The following OR2A12 variants were observed in gnomAD, a reference collection of about 807,000 sequenced individuals.
The protein encoded by OR2A12 is olfactory receptor family 2 subfamily A member 12.
For missense variants in OR2A12, 380 were observed against 372.5 expected (o/e 1.02, Z -0.17); for synonymous variants, 153 against 149.3 (o/e 1.02, Z -0.18).
rs1366313470 is a variant in OR2A12, at chr7:144,095,862, G to A, written c.755G>A (p.Gly252Asp). The part of the protein sequence containing the change: ...SHLCVVGLFF[G>D]SAIVMYMAPK... ...CTCTGCGTGGTGGGGCTTTTCTTTG[G>A]CAGCGCCATTGTCATGTACATGGCC... The change falls in exon 2 of 2, where the codon GGC (glycine) becomes GAC (aspartate). Residue 252 changes from glycine to aspartate, a missense_variant. Gly to Asp is a moderately conservative substitution (Grantham distance 94). Coordinates refer to ENST00000641592, the MANE Select transcript of OR2A12 (RefSeq NM_001004135.2). 1.9e-6 allele frequency: 3 copies of A among 1,614,056 alleles called. No individual in the cohort carries two copies. In the South Asian group the frequency reaches 3.3e-5, roughly 18 times the overall value.
rs189482620 is a variant in OR2A12 at position 144,097,676 on chromosome 7, A to G, written c.*1636A>G. 55 of 152,316 alleles carry G rather than the reference A, an allele frequency of 3.6e-4. No individual in the cohort carries two copies. Among genetic ancestry groups the G allele is most frequent in the African/African-American group, 1.3e-3 (52 of 41,570 alleles). The allele number at this position is 152,316 out of a possible 1,614,324, so 9.4% of individuals were successfully genotyped here. A position where few individuals can be genotyped will look rare whatever the true frequency, so the allele number is the denominator to read the frequency against. ...ATAGACCAAAAAACAAACAGAATAG[A>G]AAGAAAATTAGTGTATATTTGCTTT... On this transcript the variant is annotated 3_prime_UTR_variant, in exon 2 of 2. Transcript: ENST00000641592.
At chr7:144,087,984 T>C (rs1242745309) in intron 1 of OR2A12, among the ~76,000 whole-genome samples, 1 of 152,204 alleles carries the variant, frequency 6.6e-6, no homozygotes, top group Non-Finnish European at 1.5e-5. Context: ...AACTTTGTCT[T>C]AGATCAAGAG....
intron 1 of OR2A12, among the ~76,000 whole-genome samples, chr7:144,092,284 A>G (rs938769091): frequency 2.6e-5 from 4 of 151,986 alleles, no homozygotes; most frequent in Non-Finnish European, 5.9e-5. Context: ...GTCAAATAGC[A>G]TGATGCCTCC....
Position 144,095,654 on chromosome 7 carries a change from G to A in OR2A12, c.547G>A (p.Val183Ile), listed in dbSNP as rs142231743. The stretch of plus-strand genomic sequence containing the variant: ...CCACTTTTTCTGTCAAATCATGTCC[G>A]TATTCAAATTGGCCTGTGCTGACAC... The part of the protein sequence containing the change: ...INHFFCQIMS[V>I]FKLACADTRL... Residue 183 changes from valine to isoleucine, a missense_variant, in exon 2 of 2, where the codon GTA becomes ATA. Transcript: ENST00000641592. The A allele has an allele frequency of 5.4e-4, 867 of 1,614,038 alleles. 5 individuals are homozygous for A. The East Asian group carries it at 0.013, about 24-fold the overall frequency.
chr7:144,095,308 T>C lies in OR2A12; in HGVS notation c.201T>C (p.Ile67=). The change falls in exon 2 of 2, where the codon ATT becomes ATC. Residue 67 remains isoleucine (I), a synonymous_variant. Transcript: ENST00000641592. ...PMYVFLSHLA[I]VDMSYASSTV... Reference sequence around the variant, plus strand: ...ATGTCTTCCTGTCACACCTGGCCATTGTGGACATGTCCTATGCCTCGAGTA... The same window carrying C: ...ATGTCTTCCTGTCACACCTGGCCATCGTGGACATGTCCTATGCCTCGAGTA... The C allele has an allele frequency of 1.2e-6, 2 of 1,613,960 alleles. No homozygotes were observed. Among genetic ancestry groups the C allele is most frequent in the South Asian group, 1.1e-5 (1 of 91,052 alleles).
In OR2A12 at chr7:144,095,337, T is replaced by C; in HGVS notation, c.230T>C (p.Val77Ala). ...GACATGTCCTATGCCTCGAGTACTG[T>C]CCCTAAGATGCTAGCAAATCTTGTG... is the stretch of plus-strand genomic sequence containing the variant. ...IVDMSYASST[V>A]PKMLANLVMH... is the part of the protein sequence containing the mutation. The change falls in exon 2 of 2, where the codon GTC (valine) becomes GCC (alanine). Residue 77 changes from valine (V) to alanine (A), a missense_variant. By Grantham distance (64) the Val-to-Ala change is moderately conservative. Transcript: ENST00000641592. 6.2e-7 allele frequency: 1 copy of C among 1,613,676 alleles called. No homozygotes were observed.
intron 1 of OR2A12, among the ~76,000 whole-genome samples, chr7:144,090,866 T>C (rs76656009): frequency 0.021 from 3,186 of 152,340 alleles, 100 homozygotes; most frequent in African/African-American, 0.073. Flanking sequence ...CATGATCTCA[T>C]TCTTTTTCAT....
chr7:144,095,864 A>G lies in OR2A12; in HGVS notation c.757A>G (p.Ser253Gly). 1 of 1,614,114 alleles carries G rather than the reference A, an allele frequency of 6.2e-7. No individual in the cohort carries two copies. The highest frequency in any genetic ancestry group is 1.7e-5 in the Admixed American group (1 of 60,020). The change falls in exon 2 of 2, where the codon AGC (serine) becomes GGC (glycine). Residue 253 changes from serine to glycine, a missense_variant. Ser to Gly is a moderately conservative substitution (Grantham distance 56). Transcript: ENST00000641592. ...CTGCGTGGTGGGGCTTTTCTTTGGC[A>G]GCGCCATTGTCATGTACATGGCCCC... Reference protein sequence around the residue: ...HLCVVGLFFGSAIVMYMAPKS... With the variant: ...HLCVVGLFFGGAIVMYMAPKS...
Position 144,095,331 on chromosome 7 carries a change from G to A in OR2A12, c.224G>A (p.Ser75Asn), listed in dbSNP as rs747782788. 6.8e-6 allele frequency: 11 copies of A among 1,613,738 alleles called. No individual in the cohort carries two copies. Among genetic ancestry groups the A allele is most frequent in the East Asian group, 2.2e-5 (1 of 44,892 alleles). Residue 75 changes from serine (S) to asparagine (N), a missense_variant, in exon 2 of 2, where the codon AGT (serine) becomes AAT (asparagine). Coordinates refer to ENST00000641592, the MANE Select transcript of OR2A12 (RefSeq NM_001004135.2). Reference sequence around the variant, plus strand: ...ATTGTGGACATGTCCTATGCCTCGAGTACTGTCCCTAAGATGCTAGCAAAT... The same window carrying A: ...ATTGTGGACATGTCCTATGCCTCGAATACTGTCCCTAAGATGCTAGCAAAT... ...LAIVDMSYASSTVPKMLANLV... is the reference protein window; with the variant it reads ...LAIVDMSYASNTVPKMLANLV...
chr7:144,095,791 G>A lies in OR2A12; in HGVS notation c.684G>A (p.Gln228=), dbSNP rs1431175041. Reference sequence around the variant, plus strand: ...TCCTGGTGGCCATCTTGAGGATCCAGTCTGGGGAGGGCCGCAGAAAGGCCT... The same window carrying A: ...TCCTGGTGGCCATCTTGAGGATCCAATCTGGGGAGGGCCGCAGAAAGGCCT... The part of the protein sequence containing the change: ...LHILVAILRI[Q]SGEGRRKAFS... Residue 228 remains glutamine (Q), a synonymous_variant, in exon 2 of 2, where the codon CAG becomes CAA. Coordinates refer to ENST00000641592, the MANE Select transcript of OR2A12 (RefSeq NM_001004135.2). 5 of 1,614,154 alleles carry A rather than the reference G, an allele frequency of 3.1e-6. No homozygotes were observed. Among genetic ancestry groups the A allele is most frequent in the East Asian group, 2.2e-5 (1 of 44,856 alleles).
At chr7:144,094,031 G>A (rs185770925) in intron 1 of OR2A12, among the ~76,000 whole-genome samples, 9 of 152,228 alleles carry the variant, frequency 5.9e-5, no homozygotes, top group Non-Finnish European at 1.0e-4. Context: ...CATCTTCAAT[G>A]AATTTAAGGT....
rs907090511 is a variant in OR2A12 at position 144,096,880 on chromosome 7, G to A, written c.*840G>A. 2 of 152,068 alleles carry A rather than the reference G, an allele frequency of 1.3e-5. No individual in the cohort carries two copies. The highest frequency in any genetic ancestry group is 1.5e-5 in the Non-Finnish European group (1 of 68,016). The allele number at this position is 152,068 out of a possible 1,614,324, so 9.4% of individuals were successfully genotyped here. ...AAACAAAAATAAAAACAAAGCAGAC[G>A]TCATGGTTAATGGTGAAATGTTAGC... On this transcript the variant is annotated 3_prime_UTR_variant, in exon 2 of 2. Transcript: ENST00000641592.
Sources: allele counts gnomAD v4.1 joint callset (sites outside exome capture counted in the v4.1 genomes callset), GRCh38; gene constraint gnomAD v4.1.1; transcripts MANE v1.5; gene names NCBI Gene and HGNC (gene_info 2026-07-23, HGNC 2026-07-21).